Variants in NDEL1 observed in about 807,000 individuals in gnomAD.
NDEL1 encodes nudE neurodevelopment protein 1 like 1, also known as nuclear distribution protein nudE-like 1.
In NDEL1, 9 loss-of-function variants were observed where a neutral mutation model predicts 45.7. The observed-to-expected ratio is 0.20, with a 90% CI of 0.12 to 0.34. NDEL1 has a LOEUF of 0.34. Ranked by LOEUF, NDEL1 falls within the 10% of genes least tolerant of loss-of-function variation. NDEL1 has a pLI of 1.00. For synonymous variants in NDEL1, 133 were observed against 158.6 expected (o/e 0.84, Z 1.21); for missense variants, 306 against 406.2 (o/e 0.75, Z 2.12).
At chr17:8,439,407 ATT>A (rs35226962) in intron 1 of NDEL1, among the ~76,000 whole-genome samples, 129,007 of 140,682 alleles carry the variant, frequency 0.92, 60,013 homozygotes, top group Non-Finnish European at 0.99. Context: ...TACCCAGCTA[ATT>A]TTTTTTTTTT....
chr17:8,470,445 T>C (rs781449146), downstream of NDEL1, among the ~76,000 whole-genome samples: 1 of 152,152 alleles, frequency 6.6e-6, no homozygotes, highest in Non-Finnish European at 1.5e-5. This position sits in a 1 kb window ranked among gnomAD's most constrained non-coding sequence, Gnocchi z 4.2. Flanking sequence ...AAGAGAGTAG[T>C]AGCCAGCGCT....
chr17:8,446,872 A>T lies in NDEL1; in HGVS notation c.359A>T (p.Gln120Leu). The T allele has an allele frequency of 6.2e-7, 1 of 1,614,212 alleles. No homozygotes were observed. Among genetic ancestry groups the T allele is most frequent in the Non-Finnish European group, 8.5e-7 (1 of 1,180,030 alleles). Residue 120 changes from glutamine (Q) to leucine (L), a missense_variant, in exon 4 of 9, where the codon CAG (glutamine) becomes CTG (leucine). Physicochemically the swap from Gln to Leu is moderately radical, Grantham distance 113. Coordinates refer to ENST00000334527, the MANE Select transcript of NDEL1 (RefSeq NM_030808.5). ...QLHKYVRELE[Q>L]ANDDLERAKR... is the part of the protein sequence containing the mutation. ...CATAAGTATGTGAGAGAGCTGGAGC[A>T]GGCCAACGACGACCTGGAGCGAGCC...
At chr17:8,428,251 C>CAGTGCCTGG (rs1908887720) in intron 1 of NDEL1, among the ~76,000 whole-genome samples, 1 of 151,776 alleles carries the variant, frequency 6.6e-6, no homozygotes, top group Admixed American at 6.6e-5. Context: ...AGGCACTAAA[C>CAGTGCCTGG]TCCTTGCTAA....
chr17:8,423,611 G>A (rs1308238833), intron 1 of NDEL1, among the ~76,000 whole-genome samples: 1 of 152,172 alleles, frequency 6.6e-6, no homozygotes, highest in Non-Finnish European at 1.5e-5. Context: ...TTGAACACAG[G>A]AGGCGAAGGT....
At chr17:8,422,025 G>A (rs900901318) in intron 1 of NDEL1, among the ~76,000 whole-genome samples, 11 of 152,160 alleles carry the variant, frequency 7.2e-5, no homozygotes, top group African/African-American at 2.7e-4. Flanking sequence ...CTGGGATGGC[G>A]CTGATTTGGC....
At chr17:8,442,919 A>G (rs951375015) in intron 1 of NDEL1, among the ~76,000 whole-genome samples, 2 of 151,510 alleles carry the variant, frequency 1.3e-5, no homozygotes, top group Non-Finnish European at 2.9e-5. Flanking sequence ...AGGTGGGACT[A>G]CAGGCGCCTG....
chr17:8,450,255 C>T (rs1910391025), intron 5 of NDEL1, among the ~76,000 whole-genome samples: 1 of 149,606 alleles, frequency 6.7e-6, no homozygotes, highest in Non-Finnish European at 1.5e-5. Context: ...CGTCACTGCA[C>T]TCTAGCCTGG....
chr17:8,452,740 C>CT lies in NDEL1; in HGVS notation c.700+1805dup. Among the ~76,000 whole-genome samples the CT allele has an allele frequency of 6.9e-3, 659 of 95,590 alleles. 21 individuals carry two copies. The highest frequency in any genetic ancestry group is 0.019 in the Middle Eastern group (3 of 154). 62.7% of individuals were successfully genotyped at this position (95,590 alleles called of 152,430 possible). A position where few individuals can be genotyped will look rare whatever the true frequency, so the allele number is the denominator to read the frequency against. On this transcript the variant is annotated intron_variant, in intron 6 of 8. Transcript: ENST00000334527. ...CTTTCTTTTCTTTTCTTTTTCTTCT[C>CT]TTTTTTTTTTTTTTTTTTGACAGAG...
rs779440880 is a variant in NDEL1 at position 8,463,325 on chromosome 17, A to G, written c.944+3165A>G. The G allele has an allele frequency of 5.6e-6, 9 of 1,612,544 alleles. No individual in the cohort carries two copies. The African/African-American group carries it at 9.3e-5, about 17-fold the overall frequency. ...GTTCTCCTTTCTTTTATTAGGCAAG[A>G]AAAAGTCATATTTCCCACGTTGTTC... On this transcript the variant is annotated intron_variant, in intron 8 of 8. Coordinates refer to ENST00000334527, the MANE Select transcript of NDEL1 (RefSeq NM_030808.5).
At chr17:8,419,221 C>T (rs1908644412) in intron 1 of NDEL1, among the ~76,000 whole-genome samples, 1 of 152,054 alleles carries the variant, frequency 6.6e-6, no homozygotes, top group South Asian at 2.1e-4. Context: ...ATGAATTCAT[C>T]TAAAGTGTTT....
At chr17:8,470,591 T>C (rs1911810363), downstream of NDEL1, among the ~76,000 whole-genome samples, 1 of 152,176 alleles carries the variant, frequency 6.6e-6, no homozygotes, top group Non-Finnish European at 1.5e-5. This position sits in a 1 kb window ranked among gnomAD's most constrained non-coding sequence, Gnocchi z 4.2. Flanking sequence ...CAGGACACAG[T>C]GCTCTGACCT....
intron 1 of NDEL1, among the ~76,000 whole-genome samples, chr17:8,428,003 A>G (rs910005971): frequency 6.6e-6 from 1 of 152,200 alleles, no homozygotes; most frequent in African/African-American, 2.4e-5. Context: ...GAGGAAGAGA[A>G]TCCTATGAAT....
chr17:8,463,330 GTCATA>G lies in NDEL1; in HGVS notation c.944+3172_944+3176del, dbSNP rs766054172. The G allele has an allele frequency of 3.7e-6, 6 of 1,612,670 alleles. No individual in the cohort carries two copies. In the African/African-American group the frequency reaches 8.0e-5, roughly 22 times the overall value. On this transcript the variant is annotated intron_variant, in intron 8 of 8. Coordinates refer to ENST00000334527, the MANE Select transcript of NDEL1 (RefSeq NM_030808.5). ...CCTTTCTTTTATTAGGCAAGAAAAA[GTCATA>G]TTTCCCACGTTGTTCATGGGTAACT...
chr17:8,439,289 T>C (rs1909577169), intron 1 of NDEL1, among the ~76,000 whole-genome samples: 2 of 147,212 alleles, frequency 1.4e-5, no homozygotes, highest in South Asian at 4.4e-4. Context: ...TTGCCCAGGC[T>C]GGAGTGCAGT....
intron 8 of NDEL1, among the ~76,000 whole-genome samples, chr17:8,460,607 T>C (rs1161321209): frequency 6.6e-6 from 1 of 152,198 alleles, no homozygotes; most frequent in East Asian, 1.9e-4. Context: ...AAATACAGTT[T>C]AGGAGATACA....
intron 1 of NDEL1, among the ~76,000 whole-genome samples, chr17:8,429,702 C>T (rs1025429390): frequency 6.6e-6 from 1 of 152,012 alleles, no homozygotes; most frequent in Non-Finnish European, 1.5e-5. Context: ...GGATATAGAC[C>T]GTAGAAGTGG....
intron 1 of NDEL1, among the ~76,000 whole-genome samples, chr17:8,442,812 C>T (rs1218380211): frequency 8.7e-5 from 10 of 115,116 alleles, no homozygotes; most frequent in East Asian, 5.7e-4. Flanking sequence ...GATTTTTAGA[C>T]GGAGTCTCGC....
intron 1 of NDEL1, among the ~76,000 whole-genome samples, chr17:8,415,635 C>T (rs776962269): frequency 4.6e-5 from 7 of 152,054 alleles, no homozygotes; most frequent in Non-Finnish European, 1.0e-4. Flanking sequence ...AGGGCTTCAC[C>T]ATGTTGCCTA....
intron 1 of NDEL1, among the ~76,000 whole-genome samples, chr17:8,423,773 A>G (rs749407312): frequency 6.6e-6 from 1 of 152,202 alleles, no homozygotes; most frequent in Non-Finnish European, 1.5e-5. Context: ...GAGTCATAGC[A>G]GAAGTGAATT....
Sources: allele counts gnomAD v4.1 joint callset (sites outside exome capture counted in the v4.1 genomes callset), GRCh38; gene constraint gnomAD v4.1.1; non-coding constraint Gnocchi (gnomAD v3.1); transcripts MANE v1.5; gene names NCBI Gene and HGNC (gene_info 2026-07-23, HGNC 2026-07-21).